Variants in INTS8 observed in about 807,000 individuals in gnomAD.
INTS8 encodes the protein integrator complex subunit 8.
A neutral mutation model predicts 138.9 loss-of-function variants in INTS8; 47 were observed. That is an observed-to-expected ratio of 0.34 (90% CI 0.27 to 0.43). The LOEUF (loss-of-function observed/expected upper bound fraction) is 0.43. Ranked by LOEUF, INTS8 falls within the 20% of genes least tolerant of loss-of-function variation. The pLI is 1.00. For synonymous variants in INTS8, 392 were observed against 400.9 expected (o/e 0.98, Z 0.27); for missense variants, 996 against 1,173.0 (o/e 0.85, Z 2.20).
chr8:94,854,007 C>G, intron 14 of INTS8, 92 bp downstream of exon 14: 1 of 716,914 alleles, frequency 1.4e-6, no homozygotes, highest in Non-Finnish European at 2.5e-6. Context: ...CTTTGGGAGT[C>G]TGAGGTGGGC....
At chr8:94,873,347 T>C in intron 21 of INTS8, 27 bp from the exon 22 acceptor site, 1 of 1,495,476 alleles carries the variant, frequency 6.7e-7, no homozygotes, top group South Asian at 1.1e-5. Context: ...TTACCTCTAA[T>C]GCTTTATGTC....
intron 26 of INTS8, among the ~76,000 whole-genome samples, chr8:94,879,092 A>G (rs1816687310): frequency 6.6e-6 from 1 of 152,076 alleles, no homozygotes; most frequent in South Asian, 2.1e-4. Flanking sequence ...TCTGTCTCAC[A>G]CTTCGGGTTT....
chr8:94,853,425 A>C (rs1466041218), intron 13 of INTS8, among the ~76,000 whole-genome samples: 1 of 152,224 alleles, frequency 6.6e-6, no homozygotes, highest in Non-Finnish European at 1.5e-5. Context: ...CTTCATACTT[A>C]AATAGCCGTA....
At chr8:94,863,533 T>C (rs1008419557) in intron 16 of INTS8, among the ~76,000 whole-genome samples, 3 of 152,244 alleles carry the variant, frequency 2.0e-5, no homozygotes, top group Admixed American at 2.0e-4. Context: ...TTGTTGTGTT[T>C]ATGCTGAATA....
chr8:94,880,508 A>ATT lies in INTS8; in HGVS notation c.*283_*284dup. On this transcript the variant is annotated 3_prime_UTR_variant, in exon 27 of 27. Transcript: ENST00000523731. ...TTTCTAATCTACTTTATGAGGCTGGATTTTTTTTTTAGAAAAGCTAATTTA... is the reference window on the plus strand; with the variant it reads ...TTTCTAATCTACTTTATGAGGCTGGATTTTTTTTTTTTAGAAAAGCTAATTTA... 3.5e-6 allele frequency: 1 copy of ATT among 285,534 alleles called. No individual in the cohort carries two copies. Among genetic ancestry groups the ATT allele is most frequent in the Non-Finnish European group, 6.3e-6 (1 of 157,586 alleles). The allele number at this position is 285,534 out of a possible 1,614,324, so 17.7% of individuals were successfully genotyped here.
Position 94,880,282 on chromosome 8 carries a change from TAA to T in INTS8, c.*50_*51del. ...TATTTTTTAAACAATGGGCTAAAAA[TAA>T]ACAGTATTAAAAGGTTAAGTTTATA... On this transcript the variant is annotated 3_prime_UTR_variant, in exon 27 of 27. Coordinates refer to ENST00000523731, the MANE Select transcript of INTS8 (RefSeq NM_017864.4). 1 of 963,094 alleles carries T rather than the reference TAA, an allele frequency of 1.0e-6. No homozygotes were observed. Among genetic ancestry groups the T allele is most frequent in the Non-Finnish European group, 1.6e-6 (1 of 620,536 alleles). The allele number at this position is 963,094 out of a possible 1,614,324, so 59.7% of individuals were successfully genotyped here. A position where few individuals can be genotyped will look rare whatever the true frequency, so the allele number is the denominator to read the frequency against.
intron 22 of INTS8, 38 bp downstream of exon 22, chr8:94,873,515 C>A: frequency 7.6e-7 from 1 of 1,313,308 alleles, no homozygotes; most frequent in Non-Finnish European, 1.1e-6. Context: ...TTCTTGCCTA[C>A]CTGTATATGT....
Position 94,877,435 on chromosome 8 carries a change from T to C in INTS8, c.2871+946T>C, listed in dbSNP as rs564428494. Among the ~76,000 whole-genome samples the C allele has an allele frequency of 1.9e-4, 29 of 152,354 alleles. No individual in the cohort carries two copies. In the South Asian group the frequency reaches 5.6e-3, roughly 29 times the overall value. The stretch of plus-strand genomic sequence containing the variant: ...GAATGTGAAGGCCAGTTCCACTTGA[T>C]TGGAGGCAATTCATTCTCCCTTTTC... On this transcript the variant is annotated intron_variant, in intron 26 of 26. Coordinates refer to ENST00000523731, the MANE Select transcript of INTS8 (RefSeq NM_017864.4).
intron 16 of INTS8, among the ~76,000 whole-genome samples, chr8:94,861,401 A>G (rs1034091167): frequency 5.3e-5 from 8 of 150,782 alleles, no homozygotes; most frequent in African/African-American, 4.9e-5. Context: ...AGCTGGGACT[A>G]CAGGCGCCCA....
chr8:94,828,216 T>G (rs539887833), intron 4 of INTS8, among the ~76,000 whole-genome samples: 1 of 152,050 alleles, frequency 6.6e-6, no homozygotes, highest in Non-Finnish European at 1.5e-5. Flanking sequence ...ATTTTTGCAT[T>G]TTTTAGTAGA....
intron 10 of INTS8, among the ~76,000 whole-genome samples, chr8:94,848,087 T>A (rs1021521753): frequency 1.1e-4 from 16 of 149,974 alleles, no homozygotes; most frequent in African/African-American, 3.7e-4. Flanking sequence ...CCACTCACTC[T>A]AACCTCTGCC....
chr8:94,834,363 GT>G (rs1814844207), intron 6 of INTS8, among the ~76,000 whole-genome samples: 10 of 15,056 alleles, frequency 6.6e-4, no homozygotes, highest in South Asian at 6.5e-3. Context: ...ATGTGCATGG[GT>G]GTGTGTGTGT....
chr8:94,829,057 C>T (rs1348449239), intron 5 of INTS8, 31 bp downstream of exon 5: 2 of 1,511,518 alleles, frequency 1.3e-6, no homozygotes, highest in South Asian at 1.2e-5. Context: ...CACAGTAACA[C>T]TTCAGGAACA....
chr8:94,843,434 G>A (rs1563650415), intron 10 of INTS8, among the ~76,000 whole-genome samples: 1 of 152,106 alleles, frequency 6.6e-6, no homozygotes. Flanking sequence ...GAGCGTGCTG[G>A]CAAGTGCCTG....
chr8:94,874,572 ATGT>A lies in INTS8; in HGVS notation c.2663_2665del (p.Cys888del). 1 of 1,585,974 alleles carries A rather than the reference ATGT, an allele frequency of 6.3e-7. No individual in the cohort carries two copies. Among genetic ancestry groups the A allele is most frequent in the Non-Finnish European group, 8.7e-7 (1 of 1,155,164 alleles). ...TGTAGGTAATAAAACGAATGATAAA[ATGT>A]TGTTCTTTGCTGAATTGCCACACAC... On this transcript the variant is annotated inframe_deletion, in exon 23 of 27. Transcript: ENST00000523731.
In INTS8 at chr8:94,841,548, C is replaced by T. The variant is rs1192451883; in HGVS notation, c.1075C>T (p.Arg359Ter). The T allele has an allele frequency of 1.9e-6, 3 of 1,608,518 alleles. No individual in the cohort carries two copies. Among genetic ancestry groups the T allele is most frequent in the South Asian group, 1.1e-5 (1 of 90,400 alleles). The change falls in exon 9 of 27, where the codon CGA (arginine) becomes TGA (stop). Residue 359 changes from arginine to a stop codon, truncating the protein, a stop_gained. Transcript: ENST00000523731. LOFTEE classifies it high-confidence loss of function. ...AACCTTGAGTTTACCTGTCCAGTTCCGACAGTCAGTCCTAAGAGAACTCTT... is the reference window on the plus strand; with the variant it reads ...AACCTTGAGTTTACCTGTCCAGTTCTGACAGTCAGTCCTAAGAGAACTCTT... Reference protein sequence around the residue: ...NLTLSLPVQFRQSVLRELFKK... With the variant: ...NLTLSLPVQF
At chr8:94,870,748 C>T (rs1816366394) in intron 20 of INTS8, among the ~76,000 whole-genome samples, 1 of 152,108 alleles carries the variant, frequency 6.6e-6, no homozygotes, top group South Asian at 2.1e-4. Flanking sequence ...AACTGTAACC[C>T]CTCAGGGCAA....
Position 94,873,370 on chromosome 8 carries a change from T to C in INTS8, c.2534-4T>C, listed in dbSNP as rs1204645012. The C allele has an allele frequency of 6.2e-7, 1 of 1,607,672 alleles. No homozygotes were observed. Among genetic ancestry groups the C allele is most frequent in the East Asian group, 2.2e-5 (1 of 44,838 alleles). Reference sequence around the variant, plus strand: ...AATGCTTTATGTCTGTTTTTCTGTTTCAGCAACGAATCAGTATTCAGCAGC... The same window carrying C: ...AATGCTTTATGTCTGTTTTTCTGTTCCAGCAACGAATCAGTATTCAGCAGC... On this transcript the variant is annotated splice_region_variant and splice_polypyrimidine_tract_variant and intron_variant, in intron 21 of 26. Transcript: ENST00000523731.
At chr8:94,835,346 C>T (rs182144673) in intron 6 of INTS8, among the ~76,000 whole-genome samples, 90 of 152,238 alleles carry the variant, frequency 5.9e-4, no homozygotes, top group Non-Finnish European at 1.0e-3. Flanking sequence ...TTTAGTAATT[C>T]CAGGTGTCAA....
Sources: gnomAD v4.1 joint callset for allele counts (sites outside exome capture counted in the v4.1 genomes callset) on GRCh38, gnomAD v4.1.1 for gene constraint, MANE v1.5 for transcripts, NCBI Gene and HGNC (gene_info 2026-07-23, HGNC 2026-07-21) for gene names.